The following SPECC1L variants were observed in gnomAD, a reference collection of about 807,000 sequenced individuals.
SPECC1L encodes the protein sperm antigen with calponin homology and coiled-coil domains 1 like, also known as cytospin-A.
Under a neutral mutation model 116.8 loss-of-function variants are expected in SPECC1L, and 40 were observed. That is an observed-to-expected ratio of 0.34 (90% CI 0.27 to 0.45). The LOEUF (loss-of-function observed/expected upper bound fraction) is 0.45, where lower values mean the gene tolerates loss of function less well. Ranked by LOEUF, SPECC1L falls within the 20% of genes least tolerant of loss-of-function variation. The pLI, the probability that SPECC1L is intolerant of heterozygous loss-of-function variation, is 1.00. For synonymous variants in SPECC1L, 504 were observed against 500.6 expected, an observed-to-expected ratio of 1.01 and a Z score of -0.09; for missense variants, 1,110 against 1,373.6, an observed-to-expected ratio of 0.81 and a Z score of 3.03.
intron 3 of SPECC1L, among the ~76,000 whole-genome samples, chr22:24,306,604 A>G (rs2049503285): frequency 6.6e-6 from 1 of 152,142 alleles, no homozygotes; most frequent in African/African-American, 2.4e-5. Flanking sequence ...GCTGGTCTCT[A>G]ACTCCTTGGC....
intron 1 of SPECC1L, among the ~76,000 whole-genome samples, chr22:24,272,657 ACT>A (rs1269254003): frequency 1.2e-4 from 18 of 147,012 alleles, no homozygotes; most frequent in African/African-American, 3.6e-4. Flanking sequence ...ACAGAGTGAG[ACT>A]CTGTCTCAAA....
chr22:24,375,375 A>G (rs960972686), intron 14 of SPECC1L, among the ~76,000 whole-genome samples: 3 of 152,256 alleles, frequency 2.0e-5, no homozygotes, highest in Admixed American at 6.5e-5. Context: ...TTACAAAAAA[A>G]GAAAACTGTA....
At chr22:24,291,677 C>T (rs2049159418) in intron 2 of SPECC1L, among the ~76,000 whole-genome samples, 1 of 152,086 alleles carries the variant, frequency 6.6e-6, no homozygotes, top group African/African-American at 2.4e-5. Context: ...TTACTGTGGG[C>T]TGCCAGCCTG....
rs62233134 is a variant in SPECC1L, at chr22:24,347,186, A to G, written c.2743+10A>G. Reference sequence around the variant, plus strand: ...GAAATCCCTGTTCAAGGTACGTGTAATATGCCATAGCATTTCACCTTTTTT... The same window carrying G: ...GAAATCCCTGTTCAAGGTACGTGTAGTATGCCATAGCATTTCACCTTTTTT... On this transcript the variant is annotated intron_variant, in intron 11 of 16. Transcript: ENST00000314328. 0.01 allele frequency: 16,624 copies of G among 1,599,456 alleles called. 141 individuals carry two copies. The highest frequency in any genetic ancestry group is 0.023 in the South Asian group (2,058 of 90,790).
At chr22:24,414,360 G>A (rs2042762285) in intron 16 of SPECC1L, among the ~76,000 whole-genome samples, 174 bp from the exon 17 acceptor site, 1 of 152,230 alleles carries the variant, frequency 6.6e-6, no homozygotes, top group African/African-American at 2.4e-5. Context: ...TGGGGACGAT[G>A]CTGATGCCCA....
At chr22:24,318,140 A>C (rs188232309) in intron 4 of SPECC1L, among the ~76,000 whole-genome samples, 1 of 152,104 alleles carries the variant, frequency 6.6e-6, no homozygotes, top group Non-Finnish European at 1.5e-5. Context: ...AGAGGCTGCA[A>C]TCTCGGCACT....
At chr22:24,388,884 G>T (rs1483410149) in intron 14 of SPECC1L, among the ~76,000 whole-genome samples, 2 of 152,076 alleles carry the variant, frequency 1.3e-5, no homozygotes, top group Non-Finnish European at 2.9e-5. Context: ...GGACAGTTCA[G>T]TGGTTTTTAG....
Position 24,414,652 on chromosome 22 carries a change from G to A in SPECC1L, c.*29G>A, listed in dbSNP as rs373009311. On this transcript the variant is annotated 3_prime_UTR_variant, in exon 17 of 17. Coordinates refer to ENST00000314328, the MANE Select transcript of SPECC1L (RefSeq NM_015330.6). Reference sequence around the variant, plus strand: ...TGCCGGGAGGAGCCGCCCCAATAGCGGGGGTACCCCTCCACAGCGACCGAG... The same window carrying A: ...TGCCGGGAGGAGCCGCCCCAATAGCAGGGGTACCCCTCCACAGCGACCGAG... The A allele has an allele frequency of 1.6e-4, 259 of 1,602,002 alleles. 2 individuals are homozygous for A. Among genetic ancestry groups the A allele is most frequent in the South Asian group, 1.2e-3 (112 of 90,782 alleles).
chr22:24,308,398 A>T (rs1338828224), intron 3 of SPECC1L, among the ~76,000 whole-genome samples: 2 of 152,186 alleles, frequency 1.3e-5, no homozygotes, highest in African/African-American at 2.4e-5. Context: ...ATTTCTAAGG[A>T]GCGAAAGGCA....
At chr22:24,278,019 C>T (rs1481475089) in intron 2 of SPECC1L, among the ~76,000 whole-genome samples, 1 of 152,150 alleles carries the variant, frequency 6.6e-6, no homozygotes, top group Non-Finnish European at 1.5e-5. Context: ...CCACGTTCTC[C>T]ACTTCCTCAC....
intron 1 of SPECC1L, among the ~76,000 whole-genome samples, chr22:24,274,605 A>C (rs1459708577): frequency 6.6e-6 from 1 of 152,212 alleles, no homozygotes; most frequent in Non-Finnish European, 1.5e-5. Flanking sequence ...GAAGAGAGTG[A>C]ATATCTTTTA....
At chr22:24,355,919 T>C (rs2041523975) in intron 11 of SPECC1L, among the ~76,000 whole-genome samples, 1 of 151,560 alleles carries the variant, frequency 6.6e-6, no homozygotes, top group Non-Finnish European at 1.5e-5. Context: ...TCTGTCATCA[T>C]AGTTACACAG....
intron 10 of SPECC1L, among the ~76,000 whole-genome samples, chr22:24,342,500 A>G (rs1034905066): frequency 2.0e-5 from 3 of 151,612 alleles, no homozygotes; most frequent in African/African-American, 7.3e-5. Flanking sequence ...GCGAAACCCC[A>G]TCTCTACTAA....
At chr22:24,349,405 T>A (rs1045112619) in intron 11 of SPECC1L, among the ~76,000 whole-genome samples, 1 of 152,218 alleles carries the variant, frequency 6.6e-6, no homozygotes, top group Non-Finnish European at 1.5e-5. Flanking sequence ...ACAGGGCCTT[T>A]GTTCTTTGTC....
chr22:24,380,717 T>C (rs1480911533), intron 14 of SPECC1L, among the ~76,000 whole-genome samples: 4 of 152,220 alleles, frequency 2.6e-5, no homozygotes, highest in African/African-American at 9.6e-5. Context: ...GTTGAAAACA[T>C]CTTGGCATTC....
intron 2 of SPECC1L, among the ~76,000 whole-genome samples, chr22:24,292,630 CTG>C (rs1002952224): frequency 2.1e-4 from 32 of 152,078 alleles, no homozygotes; most frequent in Non-Finnish European, 8.8e-5. Context: ...TCTCTACTCA[CTG>C]TATGGGAGAC....
Position 24,347,165 on chromosome 22 carries a change from T to C in SPECC1L, c.2732T>C (p.Ile911Thr). The C allele has an allele frequency of 6.2e-7, 1 of 1,613,506 alleles. No individual in the cohort carries two copies. Among genetic ancestry groups the C allele is most frequent in the Non-Finnish European group, 8.5e-7 (1 of 1,179,482 alleles). Residue 911 changes from isoleucine to threonine, a missense_variant, in exon 11 of 17, where the codon ATC (isoleucine) becomes ACC (threonine). Physicochemically the swap from Ile to Thr is moderately conservative, Grantham distance 89. Transcript: ENST00000314328. Reference protein sequence around the residue: ...LSDKRPNYGEIPVQEHLLRTS... With the variant: ...LSDKRPNYGETPVQEHLLRTS... Reference sequence around the variant, plus strand: ...GATAAGAGACCAAACTATGGGGAAATCCCTGTTCAAGGTACGTGTAATATG... The same window carrying C: ...GATAAGAGACCAAACTATGGGGAAACCCCTGTTCAAGGTACGTGTAATATG...
rs201503447 is a variant in SPECC1L at position 24,322,460 on chromosome 22, C to T, written c.1480C>T (p.Arg494Cys). 5.6e-6 allele frequency: 9 copies of T among 1,614,022 alleles called. No homozygotes were observed. The highest frequency in any genetic ancestry group is 2.2e-5 in the South Asian group (2 of 91,076). ...KSGRYMELEQ[R>C]YMDLAENARF... ...TGGGCGCTATATGGAATTAGAGCAA[C>T]GTTACATGGACCTCGCTGAGAATGC... The change falls in exon 5 of 17, where the codon CGT becomes TGT. Residue 494 changes from arginine (R) to cysteine (C), a missense_variant. By Grantham distance (180) the Arg-to-Cys change is radical. Around this residue, in one of 4 missense-constraint regions of SPECC1L, gnomAD observed 575 missense variants for 682.4 expected, o/e 0.84. Transcript: ENST00000314328.
At chr22:24,375,533 G>C (rs1038351342) in intron 14 of SPECC1L, among the ~76,000 whole-genome samples, 1 of 152,136 alleles carries the variant, frequency 6.6e-6, no homozygotes, top group Non-Finnish European at 1.5e-5. Context: ...TTAGAATAAA[G>C]GGGAAAAAAC....
Sources: gnomAD v4.1 joint callset for allele counts (sites outside exome capture counted in the v4.1 genomes callset) on GRCh38, gnomAD v4.1.1 for gene constraint, gnomAD v4.1.1 regional missense constraint, MANE v1.5 for transcripts, NCBI Gene and HGNC (gene_info 2026-07-23, HGNC 2026-07-21) for gene names.